The following DHDH variants were observed in gnomAD, a reference collection of about 807,000 sequenced individuals.
DHDH encodes dihydrodiol dehydrogenase.
Under a neutral mutation model 33.2 loss-of-function variants are expected in DHDH, and 29 were observed. The ratio of observed to expected loss-of-function variants is 0.87; its 90% confidence interval spans 0.65 to 1.19. The LOEUF (loss-of-function observed/expected upper bound fraction) is 1.19, where lower values mean the gene tolerates loss of function less well. DHDH is among the 50% of genes most tolerant of loss of function. DHDH has a pLI of 0.00. For synonymous variants in DHDH, 201 were observed against 187.9 expected, an observed-to-expected ratio of 1.07 and a Z score of -0.57; for missense variants, 431 against 455.0, an observed-to-expected ratio of 0.95 and a Z score of 0.48.
rs1363564391 is a variant in DHDH, at chr19:48,934,794, A to G, written c.91-206A>G. On this transcript the variant is annotated intron_variant, in intron 1 of 6. Coordinates refer to ENST00000221403, the MANE Select transcript of DHDH (RefSeq NM_014475.4). ...TGGAAAGGCCTTGATGTAAGCTACT[A>G]TGAAGATAATTTCAATATTGGGGGA... Among the ~76,000 whole-genome samples the G allele has an allele frequency of 2.0e-5, 3 of 152,116 alleles. No homozygotes were observed. In the East Asian group the frequency reaches 5.8e-4, roughly 29 times the overall value.
rs796841513 is a variant in DHDH, at chr19:48,936,716, A to C, written c.366+521A>C. ...GTCTCAAACAAGAAAAAAAACAAAC[A>C]AAAAAAAAAACAAGAAAAAGATGCC... On this transcript the variant is annotated intron_variant, in intron 3 of 6. Coordinates refer to ENST00000221403, the MANE Select transcript of DHDH (RefSeq NM_014475.4). 6.2e-4 allele frequency among the ~76,000 whole-genome samples: 55 copies of C among 88,490 alleles called. 1 individual carries two copies. In the South Asian group the frequency reaches 6.4e-3, roughly 10 times the overall value. 58.1% of individuals were successfully genotyped at this position (88,490 alleles called of 152,430 possible).
chr19:48,937,745 G>A (rs1213831196), intron 3 of DHDH, among the ~76,000 whole-genome samples: 1 of 151,414 alleles, frequency 6.6e-6, no homozygotes, highest in Non-Finnish European at 1.5e-5. Context: ...CCGGGAGGCG[G>A]AGGTTGCAGT....
chr19:48,944,550 G>A, intron 6 of DHDH, 43 bp downstream of exon 6: 2 of 1,552,544 alleles, frequency 1.3e-6, no homozygotes, highest in South Asian at 1.2e-5. Flanking sequence ...CTGGTAGGGG[G>A]ATGTTGGGCC....
At chr19:48,941,513 C>T (rs1468731439) in intron 4 of DHDH, among the ~76,000 whole-genome samples, 1 of 152,068 alleles carries the variant, frequency 6.6e-6, no homozygotes, top group African/African-American at 2.4e-5. Context: ...CCCCAAGTAG[C>T]TGGGCATACA....
At position 48,943,976 on chromosome 19, in the gene DHDH, C is replaced by G. The variant is rs1268659190; in HGVS notation, c.745-381C>G. ...ATCCACTGCACTCCAGCCTGGGCGA[C>G]AGAGCGAGACTCCATCTCAAAAAAA... On this transcript the variant is annotated intron_variant, in intron 5 of 6. Coordinates refer to ENST00000221403, the MANE Select transcript of DHDH (RefSeq NM_014475.4). Among the ~76,000 whole-genome samples, 6 of 151,764 alleles carry G rather than the reference C, an allele frequency of 4.0e-5. No homozygotes were observed. The East Asian group carries it at 1.2e-3, about 29-fold the overall frequency.
chr19:48,932,939 G>A (rs1028761586), upstream of DHDH, among the ~76,000 whole-genome samples: 2 of 152,180 alleles, frequency 1.3e-5, no homozygotes, highest in Non-Finnish European at 2.9e-5. Context: ...GAGGACCAGA[G>A]AGGGCGACCT....
intron 1 of DHDH, 42 bp downstream of exon 1, chr19:48,933,853 G>A (rs1041177940): frequency 9.5e-6 from 15 of 1,584,620 alleles, no homozygotes; most frequent in African/African-American, 6.7e-5. Context: ...GAGGCGGGGG[G>A]CGGGACTCCA....
intron 5 of DHDH, among the ~76,000 whole-genome samples, chr19:48,942,971 C>T (rs2037885668): frequency 6.6e-6 from 1 of 151,528 alleles, no homozygotes; most frequent in African/African-American, 2.4e-5. Flanking sequence ...AGGAGAATTG[C>T]TTGAATCCGG....
chr19:48,944,431 C>T lies in DHDH; in HGVS notation c.819C>T (p.Val273=), dbSNP rs2037911410. Residue 273 remains valine (V), a synonymous_variant, in exon 6 of 7, where the codon GTC becomes GTT. Coordinates refer to ENST00000221403, the MANE Select transcript of DHDH (RefSeq NM_014475.4). The part of the protein sequence containing the change: ...GEHKEFPLPP[V]PKDCNFDNGA... ...ATAAGGAGTTCCCGCTGCCCCCAGTCCCAAAGGACTGCAATTTTGACAACG... is the reference window on the plus strand; with the variant it reads ...ATAAGGAGTTCCCGCTGCCCCCAGTTCCAAAGGACTGCAATTTTGACAACG... The T allele has an allele frequency of 2.5e-6, 4 of 1,614,040 alleles. No homozygotes were observed. Among genetic ancestry groups the T allele is most frequent in the South Asian group, 2.2e-5 (2 of 91,088 alleles).
At chr19:48,944,716 C>T in intron 6 of DHDH, 108 bp from the exon 7 acceptor site, 1 of 1,205,254 alleles carries the variant, frequency 8.3e-7, no homozygotes, top group East Asian at 2.3e-5. Context: ...CTGCAGCATC[C>T]ATCTGCCTGA....
chr19:48,936,020 C>A lies in DHDH; in HGVS notation c.203-12C>A, dbSNP rs1430558536. 4.4e-6 allele frequency: 7 copies of A among 1,589,004 alleles called. No homozygotes were observed. The highest frequency in any genetic ancestry group is 5.1e-6 in the Non-Finnish European group (6 of 1,169,574). On this transcript the variant is annotated splice_polypyrimidine_tract_variant and intron_variant, in intron 2 of 6. Coordinates refer to ENST00000221403, the MANE Select transcript of DHDH (RefSeq NM_014475.4). ...GCGGGGCTGCTGACCTCTTGACCTA[C>A]TCCCACCCTAGAGGTGGCCTACATT... is the stretch of plus-strand genomic sequence containing the variant.
At chr19:48,938,393 A>G (rs11083955) in intron 3 of DHDH, among the ~76,000 whole-genome samples, 52,812 of 151,930 alleles carry the variant, frequency 0.35, 12,410 homozygotes, top group African/African-American at 0.65. Flanking sequence ...CACAGCGCCC[A>G]GCCCCCAGTT....
intron 2 of DHDH, 113 bp from the exon 3 acceptor site, chr19:48,935,919 G>A: frequency 3.7e-6 from 5 of 1,336,742 alleles, no homozygotes; most frequent in Non-Finnish European, 4.1e-6. Flanking sequence ...GGAGACAGGG[G>A]TGTGACCGAC....
rs187048681 is a variant in DHDH, at chr19:48,933,831, T to G, written c.90+20T>G. On this transcript the variant is annotated intron_variant, in intron 1 of 6. Transcript: ENST00000221403. Reference sequence around the variant, plus strand: ...CACCAGGTCTGCCCGCCCTCCGGATTCTGGGGAAGAGGAGGCGGGGGGCGG... The same window carrying G: ...CACCAGGTCTGCCCGCCCTCCGGATGCTGGGGAAGAGGAGGCGGGGGGCGG... 1.9e-6 allele frequency: 3 copies of G among 1,604,018 alleles called. No individual in the cohort carries two copies. The highest frequency in any genetic ancestry group is 3.3e-5 in the Admixed American group (2 of 59,906).
upstream of DHDH, chr19:48,933,651 G>T: frequency 6.8e-7 from 1 of 1,466,462 alleles, no homozygotes. Flanking sequence ...CGCCCCCGGG[G>T]TGGGCGGGGC....
rs199717759 is a variant in DHDH at position 48,943,069 on chromosome 19, T to A, written c.744+505T>A. 7.7e-3 allele frequency among the ~76,000 whole-genome samples: 1,113 copies of A among 143,866 alleles called. 8 individuals carry two copies. Among genetic ancestry groups the A allele is most frequent in the East Asian group, 0.023 (112 of 4,796 alleles). The allele number at this position is 143,866 out of a possible 152,430, so 94.4% of individuals were successfully genotyped here. A position where few individuals can be genotyped will look rare whatever the true frequency, so the allele number is the denominator to read the frequency against. On this transcript the variant is annotated intron_variant, in intron 5 of 6. Transcript: ENST00000221403. ...AAACTCCATCTCAAAAAAAAAAATA[T>A]ATATATATATATGTATCCTTGGGCC...
chr19:48,936,730 G>GA (rs1342083263), intron 3 of DHDH, among the ~76,000 whole-genome samples: 1 of 148,370 alleles, frequency 6.7e-6, no homozygotes, highest in Non-Finnish European at 1.5e-5. Flanking sequence ...AAAAAAACAA[G>GA]AAAAAGATGC....
chr19:48,937,248 C>T (rs1436865339), intron 3 of DHDH, among the ~76,000 whole-genome samples: 2 of 152,188 alleles, frequency 1.3e-5, no homozygotes, highest in Admixed American at 6.5e-5. Context: ...AGCCTGCCCC[C>T]GGCTCCCCAG....
chr19:48,944,189 G>T (rs1475900925), intron 5 of DHDH, among the ~76,000 whole-genome samples, 168 bp from the exon 6 acceptor site: 1 of 152,128 alleles, frequency 6.6e-6, no homozygotes, highest in African/African-American at 2.4e-5. Context: ...CAAACTTCTA[G>T]CAACTAGAAA....
Sources: gnomAD v4.1 joint callset for allele counts (sites outside exome capture counted in the v4.1 genomes callset) on GRCh38, gnomAD v4.1.1 for gene constraint, MANE v1.5 for transcripts, NCBI Gene and HGNC (gene_info 2026-07-23, HGNC 2026-07-21) for gene names.